SPIDR: variants seen among roughly 807,000 people sequenced by gnomAD.
SPIDR encodes the protein scaffold protein involved in DNA repair, also known as DNA repair-scaffolding protein.
In SPIDR, 93 loss-of-function variants were observed where a neutral mutation model predicts 104.6. The ratio of observed to expected loss-of-function variants is 0.89; its 90% CI spans 0.75 to 1.06. SPIDR has a LOEUF of 1.06. SPIDR is among the 50% of genes least tolerant of loss of function. The pLI is 0.00. For missense variants in SPIDR, 1,154 were observed against 1,111.2 expected (o/e 1.04, Z -0.55); for synonymous variants, 431 against 416.9 (o/e 1.03, Z -0.41).
chr8:47,474,896 A>G (rs2076114127), intron 8 of SPIDR, among the ~76,000 whole-genome samples: 1 of 152,258 alleles, frequency 6.6e-6, no homozygotes, highest in African/African-American at 2.4e-5. Context: ...TGGCTAAGCC[A>G]TAAGTAACAT....
At chr8:47,681,929 C>G (rs979837368) in intron 11 of SPIDR, among the ~76,000 whole-genome samples, 1 of 152,074 alleles carries the variant, frequency 6.6e-6, no homozygotes, top group Non-Finnish European at 1.5e-5. Flanking sequence ...TTAGTTTCTT[C>G]ATTTTAATTA....
At chr8:47,617,890 A>C (rs952285889) in intron 10 of SPIDR, among the ~76,000 whole-genome samples, 1 of 152,096 alleles carries the variant, frequency 6.6e-6, no homozygotes, top group South Asian at 2.1e-4. Flanking sequence ...TCTGAGCCAC[A>C]TTGTTGGTGT....
At chr8:47,587,110 C>CTA in intron 8 of SPIDR, among the ~76,000 whole-genome samples, 1 of 152,122 alleles carries the variant, frequency 6.6e-6, no homozygotes, top group South Asian at 2.1e-4. Flanking sequence ...TATCTTAAGT[C>CTA]TAAGTACTCT....
Position 47,498,316 on chromosome 8 carries a change from C to T in SPIDR, c.1097+57774C>T, listed in dbSNP as rs1296775565. 3.9e-5 allele frequency among the ~76,000 whole-genome samples: 6 copies of T among 152,150 alleles called. No individual in the cohort carries two copies. The East Asian group carries it at 1.2e-3, about 29-fold the overall frequency. Reference sequence around the variant, plus strand: ...AGGCACTTATTGGCAAACGTTCCATCTTGAATAACTGAGGTCAGCAGTTTC... The same window carrying T: ...AGGCACTTATTGGCAAACGTTCCATTTTGAATAACTGAGGTCAGCAGTTTC... On this transcript the variant is annotated intron_variant, in intron 8 of 19. Transcript: ENST00000297423.
chr8:47,572,325 C>T (rs140528579), intron 8 of SPIDR, among the ~76,000 whole-genome samples: 29 of 151,894 alleles, frequency 1.9e-4, no homozygotes, highest in African/African-American at 5.1e-4. Flanking sequence ...AGAATTCAGT[C>T]GATAAGATAT....
At chr8:47,643,383 C>T (rs1415748947) in intron 10 of SPIDR, among the ~76,000 whole-genome samples, 4 of 152,100 alleles carry the variant, frequency 2.6e-5, no homozygotes, top group African/African-American at 7.2e-5. Context: ...CAGTCTTCCT[C>T]TCTTACCCAG....
intron 5 of SPIDR, among the ~76,000 whole-genome samples, chr8:47,316,111 TGAAAATACAACTTGATTAA>T (rs1381477115): frequency 6.6e-6 from 1 of 152,112 alleles, no homozygotes; most frequent in Non-Finnish European, 1.5e-5. Flanking sequence ...AACTGAACAA[TGAAAATACAACTTGATTAA>T]TTGGAGAAGG....
At chr8:47,556,108 G>C (rs1293932788) in intron 8 of SPIDR, among the ~76,000 whole-genome samples, 1 of 152,182 alleles carries the variant, frequency 6.6e-6, no homozygotes, top group African/African-American at 2.4e-5. Flanking sequence ...TTGTCAGCCA[G>C]GGACGATTTT....
chr8:47,397,533 G>A (rs1015249629), intron 6 of SPIDR, among the ~76,000 whole-genome samples: 9 of 152,150 alleles, frequency 5.9e-5, no homozygotes, highest in Admixed American at 1.3e-4. Flanking sequence ...AAGAGAACCT[G>A]TAGGAAGCAT....
At chr8:47,411,764 C>T (rs1318636539) in intron 7 of SPIDR, among the ~76,000 whole-genome samples, 1 of 152,124 alleles carries the variant, frequency 6.6e-6, no homozygotes, top group Non-Finnish European at 1.5e-5. Context: ...CCTAGGTTTT[C>T]TTCTAGGGTT....
chr8:47,326,203 C>T (rs1481334752), intron 5 of SPIDR, among the ~76,000 whole-genome samples: 1 of 152,092 alleles, frequency 6.6e-6, no homozygotes, highest in Non-Finnish European at 1.5e-5. Context: ...TCTAGAGAGG[C>T]AAGGTTTTGC....
At chr8:47,378,133 A>C (rs2058886518) in intron 5 of SPIDR, among the ~76,000 whole-genome samples, 1 of 152,188 alleles carries the variant, frequency 6.6e-6, no homozygotes, top group Non-Finnish European at 1.5e-5. Context: ...TGACATTTCT[A>C]GTTTTTCTTA....
At chr8:47,460,201 C>A (rs2073712965) in intron 8 of SPIDR, among the ~76,000 whole-genome samples, 1 of 152,086 alleles carries the variant, frequency 6.6e-6, no homozygotes, top group Non-Finnish European at 1.5e-5. Flanking sequence ...GACTTTCTGT[C>A]TTGATGACCT....
intron 8 of SPIDR, among the ~76,000 whole-genome samples, chr8:47,464,097 A>G (rs551215929): frequency 6.8e-6 from 1 of 147,288 alleles, no homozygotes; most frequent in African/African-American, 2.5e-5. Context: ...TTATATGTAG[A>G]AAACCCTAAA....
intron 3 of SPIDR, among the ~76,000 whole-genome samples, chr8:47,287,317 C>T (rs2039035623): frequency 6.6e-6 from 1 of 152,194 alleles, no homozygotes; most frequent in African/African-American, 2.4e-5. Flanking sequence ...AAATCAAAAA[C>T]TCCTGATAAG....
At chr8:47,509,895 A>G (rs1361457078) in intron 8 of SPIDR, among the ~76,000 whole-genome samples, 2 of 151,864 alleles carry the variant, frequency 1.3e-5, no homozygotes, top group African/African-American at 2.4e-5. Flanking sequence ...ATCACATACC[A>G]CTTATGCACA....
chr8:47,454,311 G>T (rs1421513911), intron 8 of SPIDR, among the ~76,000 whole-genome samples: 1 of 152,146 alleles, frequency 6.6e-6, no homozygotes, highest in African/African-American at 2.4e-5. Flanking sequence ...AATAGGATGA[G>T]TTCATGTCCT....
chr8:47,266,848 C>T (rs1554547157), intron 1 of SPIDR, among the ~76,000 whole-genome samples: 6 of 152,250 alleles, frequency 3.9e-5, no homozygotes, highest in African/African-American at 1.4e-4. Context: ...AGAATATTTT[C>T]ATGACCCCAA....
At chr8:47,394,021 C>T (rs2060953342) in intron 5 of SPIDR, among the ~76,000 whole-genome samples, 1 of 152,128 alleles carries the variant, frequency 6.6e-6, no homozygotes, top group African/African-American at 2.4e-5. Flanking sequence ...ATTCTCCTGC[C>T]TCAGCTTGCC....
Sources: allele counts gnomAD v4.1 joint callset (sites outside exome capture counted in the v4.1 genomes callset), GRCh38; gene constraint gnomAD v4.1.1; transcripts MANE v1.5; gene names NCBI Gene and HGNC (gene_info 2026-07-23, HGNC 2026-07-21).